The following SUSD6 variants were observed in gnomAD, a reference collection of about 807,000 sequenced individuals.
The protein encoded by SUSD6 is sushi domain containing 6.
In SUSD6, 16 loss-of-function variants were observed where a neutral mutation model predicts 28.4. The observed-to-expected ratio is 0.56, with a 90% CI of 0.38 to 0.86. The LOEUF (loss-of-function observed/expected upper bound fraction) is 0.86, where lower values mean the gene tolerates loss of function less well. Among genes scored for constraint, SUSD6 ranks in the 40% least tolerant of loss-of-function variants. SUSD6 has a pLI of 0.00. For missense variants in SUSD6, 341 were observed against 384.2 expected, an observed-to-expected ratio of 0.89 and a Z score of 0.94; for synonymous variants, 147 against 159.6, an observed-to-expected ratio of 0.92 and a Z score of 0.59.
At chr14:69,612,103 C>T (rs1884885549) in intron 1 of SUSD6, among the ~76,000 whole-genome samples, 1 of 151,550 alleles carries the variant, frequency 6.6e-6, no homozygotes, top group Non-Finnish European at 1.5e-5. Flanking sequence ...GGTTTGCGGC[C>T]GGGAACTTGG....
chr14:69,702,654 G>C (rs1886329172), intron 2 of SUSD6, among the ~76,000 whole-genome samples: 3 of 152,224 alleles, frequency 2.0e-5, no homozygotes, highest in Admixed American at 2.0e-4. Context: ...GTGACCCCAA[G>C]CCTGCCATTT....
intron 1 of SUSD6, among the ~76,000 whole-genome samples, chr14:69,639,422 G>T (rs993876023): frequency 6.6e-6 from 1 of 152,098 alleles, no homozygotes; most frequent in Non-Finnish European, 1.5e-5. Context: ...TTTACTGAGG[G>T]GGAAATGGGC....
chr14:69,650,409 A>G (rs530641304), intron 1 of SUSD6, among the ~76,000 whole-genome samples: 14 of 152,096 alleles, frequency 9.2e-5, no homozygotes, highest in South Asian at 6.2e-4. Flanking sequence ...CAATTGCCCT[A>G]GACCACCCAA....
intron 1 of SUSD6, 49 bp from the exon 2 acceptor site, chr14:69,658,464 T>C: frequency 2.1e-6 from 2 of 972,600 alleles, no homozygotes; most frequent in Non-Finnish European, 3.0e-6. Context: ...TGCTTTTAAC[T>C]AACTTATGGC....
Position 69,711,384 on chromosome 14 carries a change from A to G in SUSD6, c.*405A>G, listed in dbSNP as rs1460723169. ...CCCCACCCTGTCCAGTTTCCCTGTC[A>G]TGCAGACTTGTTGCTGTCCACAAGC... On this transcript the variant is annotated 3_prime_UTR_variant, in exon 6 of 6. Coordinates refer to ENST00000342745, the MANE Select transcript of SUSD6 (RefSeq NM_014734.4). 2.7e-5 allele frequency: 6 copies of G among 221,392 alleles called. No homozygotes were observed. The highest frequency in any genetic ancestry group is 1.2e-4 in the East Asian group (1 of 8,198). 13.7% of individuals were successfully genotyped at this position (221,392 alleles called of 1,614,324 possible). A position where few individuals can be genotyped will look rare whatever the true frequency, so the allele number is the denominator to read the frequency against.
intron 2 of SUSD6, among the ~76,000 whole-genome samples, chr14:69,659,777 C>T (rs1342101477): frequency 6.6e-6 from 1 of 152,176 alleles, no homozygotes; most frequent in Non-Finnish European, 1.5e-5. Context: ...CCTTGGCCTC[C>T]CAAAATGTTG....
chr14:69,688,816 A>G (rs1886112540), intron 2 of SUSD6, among the ~76,000 whole-genome samples: 1 of 152,166 alleles, frequency 6.6e-6, no homozygotes, highest in Admixed American at 6.5e-5. Context: ...GCAGGCTTTC[A>G]TTTTATTATG....
chr14:69,651,506 G>C (rs955704944), intron 1 of SUSD6, among the ~76,000 whole-genome samples: 1 of 152,204 alleles, frequency 6.6e-6, no homozygotes, highest in Non-Finnish European at 1.5e-5. Flanking sequence ...TCAAGTAGGA[G>C]CTGGAGATTA....
At chr14:69,661,551 A>G (rs1885661412) in intron 2 of SUSD6, among the ~76,000 whole-genome samples, 1 of 152,132 alleles carries the variant, frequency 6.6e-6, no homozygotes, top group Non-Finnish European at 1.5e-5. Flanking sequence ...GGCAGGGGAA[A>G]GGGGTTCACC....
intron 2 of SUSD6, among the ~76,000 whole-genome samples, chr14:69,672,378 C>G (rs1885846425): frequency 6.6e-6 from 1 of 152,078 alleles, no homozygotes; most frequent in East Asian, 1.9e-4. Context: ...TTTGAATGAC[C>G]TAGAAGTCAG....
At chr14:69,639,337 AAAG>A (rs1158058542) in intron 1 of SUSD6, among the ~76,000 whole-genome samples, 4 of 151,212 alleles carry the variant, frequency 2.6e-5, no homozygotes, top group African/African-American at 9.7e-5. Context: ...AAAAAAAAAA[AAAG>A]AAATAAGGCC....
At chr14:69,665,179 G>C (rs1885720408) in intron 2 of SUSD6, among the ~76,000 whole-genome samples, 1 of 152,154 alleles carries the variant, frequency 6.6e-6, no homozygotes, top group Admixed American at 6.5e-5. Context: ...CCTGTTCATC[G>C]ACCTCATCTT....
chr14:69,643,880 G>A (rs1359918694), intron 1 of SUSD6, among the ~76,000 whole-genome samples: 1 of 152,210 alleles, frequency 6.6e-6, no homozygotes, highest in Non-Finnish European at 1.5e-5. Flanking sequence ...GAAGCTAGAG[G>A]TAGAGTCAGG....
intron 1 of SUSD6, among the ~76,000 whole-genome samples, chr14:69,623,005 T>A (rs1885063979): frequency 6.6e-6 from 1 of 152,204 alleles, no homozygotes; most frequent in African/African-American, 2.4e-5. Context: ...GCAACTGTAC[T>A]TGTATGTAGT....
At chr14:69,704,507 C>T in intron 3 of SUSD6, 97 bp from the exon 4 acceptor site, 1 of 1,255,850 alleles carries the variant, frequency 8.0e-7, no homozygotes, top group Non-Finnish European at 1.1e-6. Context: ...CTGTATTGCA[C>T]CATTCAGGAG....
chr14:69,629,527 C>G (rs1028593169), intron 1 of SUSD6, among the ~76,000 whole-genome samples: 4 of 152,182 alleles, frequency 2.6e-5, no homozygotes, highest in African/African-American at 9.7e-5. Flanking sequence ...TAATTCCCTG[C>G]TACCTCAGAG....
chr14:69,660,135 G>A (rs1246333326), intron 2 of SUSD6, among the ~76,000 whole-genome samples: 1 of 152,186 alleles, frequency 6.6e-6, no homozygotes, highest in African/African-American at 2.4e-5. Flanking sequence ...GACAGTAGGG[G>A]AGTGGTATAT....
intron 1 of SUSD6, among the ~76,000 whole-genome samples, chr14:69,627,857 T>G (rs1885137604): frequency 6.6e-6 from 1 of 152,160 alleles, no homozygotes; most frequent in South Asian, 2.1e-4. Context: ...GGGACTCTTT[T>G]TGGGGGGTCT....
chr14:69,630,540 T>C (rs888451796), intron 1 of SUSD6, among the ~76,000 whole-genome samples: 6 of 152,168 alleles, frequency 3.9e-5, no homozygotes, highest in African/African-American at 9.7e-5. Context: ...AGCTCACATA[T>C]GTAGATGGAC....
Sources: gnomAD v4.1 joint callset for allele counts (sites outside exome capture counted in the v4.1 genomes callset) on GRCh38, gnomAD v4.1.1 for gene constraint, MANE v1.5 for transcripts, NCBI Gene and HGNC (gene_info 2026-07-23, HGNC 2026-07-21) for gene names.